Variants in TET2 observed in about 807,000 individuals in gnomAD.
TET2 encodes the protein methylcytosine dioxygenase TET2.
In TET2, 299 loss-of-function variants were observed where a neutral mutation model predicts 142.9. That is an observed-to-expected ratio of 2.09 (90% CI 1.90 to 2.30). The LOEUF is 2.30. Ranked by LOEUF, TET2 falls within the 30% of genes most tolerant of loss-of-function variation. The pLI is 0.00. For synonymous variants in TET2, 819 were observed against 849.0 expected, an observed-to-expected ratio of 0.96 and a Z score of 0.61; for missense variants, 2,418 against 2,378.0, an observed-to-expected ratio of 1.02 and a Z score of -0.35.
At chr4:105,254,789 G>T (rs1251150186) in intron 6 of TET2, among the ~76,000 whole-genome samples, 1 of 152,168 alleles carries the variant, frequency 6.6e-6, no homozygotes, top group Non-Finnish European at 1.5e-5. Context: ...TCCTATGGAA[G>T]CATGAAGGGA....
chr4:105,177,813 T>G (rs1724889130), intron 1 of TET2: 1 of 152,300 alleles, frequency 6.6e-6, no homozygotes, highest in African/African-American at 2.4e-5. Flanking sequence ...CCGGGCACAG[T>G]AGCTCACGCC....
chr4:105,159,968 C>T (rs1375313427), intron 1 of TET2, among the ~76,000 whole-genome samples: 1 of 151,978 alleles, frequency 6.6e-6, no homozygotes, highest in East Asian at 1.9e-4. Context: ...CGCGCCACTG[C>T]ACTCCAGCCT....
At chr4:105,168,522 C>T (rs1296473319) in intron 1 of TET2, among the ~76,000 whole-genome samples, 1 of 152,076 alleles carries the variant, frequency 6.6e-6, no homozygotes, top group African/African-American at 2.4e-5. Context: ...AATTCCCTAA[C>T]CATTCTATCT....
chr4:105,213,609 C>G (rs1349744458), intron 2 of TET2, among the ~76,000 whole-genome samples: 1 of 152,128 alleles, frequency 6.6e-6, no homozygotes, highest in East Asian at 1.9e-4. Flanking sequence ...TTCCCTTTAC[C>G]TAGGATGTTC....
At chr4:105,250,782 T>G (rs992175423) in intron 6 of TET2, among the ~76,000 whole-genome samples, 8 of 152,036 alleles carry the variant, frequency 5.3e-5, no homozygotes, top group Non-Finnish European at 1.2e-4. Flanking sequence ...AACCTCCACC[T>G]CCGGGTTCAA....
chr4:105,149,715 A>G (rs1303744023), intron 1 of TET2, among the ~76,000 whole-genome samples: 1 of 152,224 alleles, frequency 6.6e-6, no homozygotes, highest in African/African-American at 2.4e-5. Flanking sequence ...AGTGAGAGAA[A>G]TCCCTTGCTT....
chr4:105,261,117 A>G (rs949004395), intron 7 of TET2, among the ~76,000 whole-genome samples: 3 of 152,054 alleles, frequency 2.0e-5, no homozygotes, highest in African/African-American at 7.2e-5. Flanking sequence ...ACTTCTAAGT[A>G]TAAATGGAGC....
chr4:105,206,024 ACC>A (rs1271515902), intron 2 of TET2, among the ~76,000 whole-genome samples: 1 of 152,074 alleles, frequency 6.6e-6, no homozygotes, highest in Non-Finnish European at 1.5e-5. Flanking sequence ...GGTCATGCCC[ACC>A]CCACAACCCA....
At position 105,241,580 on chromosome 4, in the gene TET2, T is replaced by C; in HGVS notation, c.3500+151T>C. ...TTCTAGGGTTGCCAACACTACACAC[T>C]GTGCTATTCACCAGAGAGTCACAAT... On this transcript the variant is annotated intron_variant, in intron 4 of 10. Coordinates refer to ENST00000380013, the MANE Select transcript of TET2 (RefSeq NM_001127208.3). 11 of 1,395,360 alleles carry C rather than the reference T, an allele frequency of 7.9e-6. No individual in the cohort carries two copies. In the South Asian group the frequency reaches 1.4e-4, roughly 18 times the overall value. The allele number at this position is 1,395,360 out of a possible 1,614,324, so 86.4% of individuals were successfully genotyped here.
intron 1 of TET2, chr4:105,171,347 A>C (rs1724453884): frequency 1.3e-5 from 2 of 152,210 alleles, no homozygotes; most frequent in African/African-American, 4.8e-5. Context: ...ACTCCATGCT[A>C]AGGAAATGAA....
At chr4:105,168,890 A>C (rs1724303618) in intron 1 of TET2, among the ~76,000 whole-genome samples, 2 of 152,220 alleles carry the variant, frequency 1.3e-5, no homozygotes, top group South Asian at 4.1e-4. Context: ...CTCCAGTCTT[A>C]TCCAGGTCAC....
intron 8 of TET2, among the ~76,000 whole-genome samples, chr4:105,262,881 C>CA (rs34819518): frequency 0.15 from 20,483 of 133,522 alleles, 1,963 homozygotes; most frequent in East Asian, 0.28. Flanking sequence ...AACTCCATCT[C>CA]AAAAAAAAAA....
Position 105,236,129 on chromosome 4 carries a change from A to T in TET2, c.2187A>T (p.Gln729His). 1 of 1,614,160 alleles carries T rather than the reference A, an allele frequency of 6.2e-7. No individual in the cohort carries two copies. The highest frequency in any genetic ancestry group is 8.5e-7 in the Non-Finnish European group (1 of 1,180,014). ...LQHKPHKQAAQTQPSQSSHLP... is the reference protein window; with the variant it reads ...LQHKPHKQAAHTQPSQSSHLP... ...ATAAGCCTCATAAACAGGCAGCACA[A>T]ACACAACCATCCCAGAGTTCACATC... Residue 729 changes from glutamine to histidine, a missense_variant, in exon 3 of 11, where the codon CAA (glutamine) becomes CAT (histidine). Physicochemically the swap from Gln to His is conservative, Grantham distance 24. Coordinates refer to ENST00000380013, the MANE Select transcript of TET2 (RefSeq NM_001127208.3).
At chr4:105,224,580 G>C (rs1002521617) in intron 2 of TET2, among the ~76,000 whole-genome samples, 1 of 152,018 alleles carries the variant, frequency 6.6e-6, no homozygotes, top group Admixed American at 6.6e-5. Flanking sequence ...CAAAATGTTA[G>C]CTAGTAGTCA....
At chr4:105,246,084 G>A (rs541156209) in intron 6 of TET2, among the ~76,000 whole-genome samples, 21 of 151,860 alleles carry the variant, frequency 1.4e-4, no homozygotes, top group Non-Finnish European at 2.5e-4. Context: ...GCACCCACCC[G>A]GCTCATTTTT....
chr4:105,275,131 CA>C lies in TET2; in HGVS notation c.4622del (p.Gln1541ArgfsTer30). 1 of 1,551,604 alleles carries C rather than the reference CA, an allele frequency of 6.4e-7. No homozygotes were observed. The highest frequency in any genetic ancestry group is 8.7e-7 in the Non-Finnish European group (1 of 1,146,774). ...LQKQPPQPQQ[Q>X]QRPQQQQPHH... Reference sequence around the variant, plus strand: ...GAAGCAGCCACCACAGCCCCAGCAGCAGCAGAGACCCCAGCAGCAGCAGCCA... The same window carrying C: ...GAAGCAGCCACCACAGCCCCAGCAGCGCAGAGACCCCAGCAGCAGCAGCCA... On this transcript the variant is annotated frameshift_variant, in exon 11 of 11. Transcript: ENST00000380013. LOFTEE classifies it low-confidence loss of function (END_TRUNC).
intron 10 of TET2, among the ~76,000 whole-genome samples, chr4:105,274,607 A>G (rs911119970): frequency 6.6e-6 from 1 of 152,208 alleles, no homozygotes; most frequent in African/African-American, 2.4e-5. Flanking sequence ...TAAAAACATA[A>G]CTATAATACA....
In TET2 at chr4:105,235,016, C is replaced by T. The variant is rs533523104; in HGVS notation, c.1074C>T (p.Ser358=). 3.3e-5 allele frequency: 53 copies of T among 1,614,092 alleles called. No individual in the cohort carries two copies. Among genetic ancestry groups the T allele is most frequent in the Non-Finnish European group, 4.2e-5 (49 of 1,180,008 alleles). ...SGEEFCSGSS[S]NLQAPGGSSE... ...AAGAATTCTGTTCAGGTTCCAGCAGCAATTTGCAAGCTCCTGGTGGCAGCT... is the reference window on the plus strand; with the variant it reads ...AAGAATTCTGTTCAGGTTCCAGCAGTAATTTGCAAGCTCCTGGTGGCAGCT... The change falls in exon 3 of 11, where the codon AGC becomes AGT. Residue 358 remains serine, a synonymous_variant. Transcript: ENST00000380013.
At chr4:105,241,685 G>A (rs1729307354) in intron 4 of TET2, 3 of 1,274,192 alleles carry the variant, frequency 2.4e-6, no homozygotes, top group Non-Finnish European at 3.0e-6. Flanking sequence ...GGCATGAACA[G>A]GAATCGGCCA....
Sources: gnomAD v4.1 joint callset for allele counts (sites outside exome capture counted in the v4.1 genomes callset) on GRCh38, gnomAD v4.1.1 for gene constraint, MANE v1.5 for transcripts, NCBI Gene and HGNC (gene_info 2026-07-23, HGNC 2026-07-21) for gene names.